Variants in RMDN1 observed in about 807,000 individuals in gnomAD.
RMDN1 encodes the protein regulator of microtubule dynamics protein 1.
A neutral mutation model predicts 48.9 loss-of-function variants in RMDN1; 48 were observed. That is an observed-to-expected ratio of 0.98 (90% CI 0.78 to 1.25). The LOEUF (loss-of-function observed/expected upper bound fraction) is 1.25, where lower values mean the gene tolerates loss of function less well. Among genes scored for constraint, RMDN1 ranks in the 50% most tolerant of loss-of-function variants. The pLI is 0.00. For missense variants in RMDN1, 418 were observed against 373.4 expected, an observed-to-expected ratio of 1.12 and a Z score of -0.98; for synonymous variants, 148 against 132.6, an observed-to-expected ratio of 1.12 and a Z score of -0.80.
chr8:86,488,421 C>CT (rs1221124852), intron 3 of RMDN1, 131 bp downstream of exon 3: 7 of 463,750 alleles, frequency 1.5e-5, no homozygotes, highest in Admixed American at 1.2e-4. Flanking sequence ...AAATTAAACT[C>CT]TAAGAAATAT....
chr8:86,481,272 A>G (rs541245273), intron 5 of RMDN1, among the ~76,000 whole-genome samples: 1 of 152,164 alleles, frequency 6.6e-6, no homozygotes, highest in Non-Finnish European at 1.5e-5. Flanking sequence ...TCTTACCACA[A>G]CTGAGTTTTT....
In RMDN1 at chr8:86,473,975, C is replaced by T. The variant is rs1586575149; in HGVS notation, c.*333G>A. On this transcript the variant is annotated 3_prime_UTR_variant, in exon 10 of 10. Transcript: ENST00000406452. ...ATCCCCCTGTATATCCCCTATAGAT[C>T]CATTTCCCCTCCTCTACAAATATTT... 9.4e-7 allele frequency: 1 copy of T among 1,064,298 alleles called. No individual in the cohort carries two copies. The highest frequency in any genetic ancestry group is 7.6e-5 in the East Asian group (1 of 13,160). The allele number at this position is 1,064,298 out of a possible 1,614,324, so 65.9% of individuals were successfully genotyped here.
chr8:86,505,718 A>G (rs1023054426), intron 2 of RMDN1, among the ~76,000 whole-genome samples: 3 of 152,198 alleles, frequency 2.0e-5, no homozygotes, highest in Admixed American at 2.0e-4. Context: ...GTGTTTAAAG[A>G]GAGGTTATAC....
At chr8:86,487,432 T>C (rs1372740393) in intron 3 of RMDN1, among the ~76,000 whole-genome samples, 2 of 151,902 alleles carry the variant, frequency 1.3e-5, no homozygotes, top group African/African-American at 4.8e-5. Context: ...GTACTAAAAA[T>C]ACAAAATTAG....
chr8:86,491,644 A>C (rs1203813887), intron 2 of RMDN1, among the ~76,000 whole-genome samples: 1 of 152,212 alleles, frequency 6.6e-6, no homozygotes, highest in African/African-American at 2.4e-5. Flanking sequence ...TTTCAACTTA[A>C]TAAGCAAATA....
At chr8:86,508,390 C>T in intron 1 of RMDN1, 102 bp downstream of exon 1, 1 of 1,321,458 alleles carries the variant, frequency 7.6e-7, no homozygotes, top group South Asian at 1.4e-5. Flanking sequence ...CTCGGTTCAC[C>T]ACATTCCTTA....
chr8:86,470,521 A>C, downstream of RMDN1: 1 of 902,508 alleles, frequency 1.1e-6, no homozygotes, highest in Non-Finnish European at 1.5e-6. Flanking sequence ...AAATGAAGAT[A>C]AAAGGACCCA....
Position 86,484,986 on chromosome 8 carries a change from A to C in RMDN1, c.496-25T>G. ...ACTGAAAATTTAAAAAAGTGTAAGA[A>C]CAATAATATTCTTAATATTCCATTC... On this transcript the variant is annotated intron_variant, in intron 4 of 9. Transcript: ENST00000406452. 4 of 1,300,208 alleles carry C rather than the reference A, an allele frequency of 3.1e-6. No individual in the cohort carries two copies. The South Asian group carries it at 5.0e-5, about 16-fold the overall frequency. The allele number at this position is 1,300,208 out of a possible 1,614,324, so 80.5% of individuals were successfully genotyped here.
upstream of RMDN1, chr8:86,508,714 G>T (rs573495695): frequency 1.1e-4 from 141 of 1,336,730 alleles, no homozygotes; most frequent in Non-Finnish European, 1.3e-4. Flanking sequence ...AAAGAACCGC[G>T]CCCGCCCGCC....
chr8:86,503,980 A>G (rs1818846873), intron 2 of RMDN1: 1 of 771,762 alleles, frequency 1.3e-6, no homozygotes. Flanking sequence ...TGGACTGTGC[A>G]CAGGTTTTAT....
chr8:86,474,701 A>G lies in RMDN1; in HGVS notation c.894+119T>C, dbSNP rs777401235. On this transcript the variant is annotated intron_variant, in intron 9 of 9. Coordinates refer to ENST00000406452, the MANE Select transcript of RMDN1 (RefSeq NM_016033.3). ...GTCAATCAATTTACACTTGAAATGAACACACTTGTTTTCAACAATATTATG... is the reference window on the plus strand; with the variant it reads ...GTCAATCAATTTACACTTGAAATGAGCACACTTGTTTTCAACAATATTATG... 1.2e-5 allele frequency: 11 copies of G among 956,038 alleles called. No individual in the cohort carries two copies. The Admixed American group carries it at 2.0e-4, about 17-fold the overall frequency. The allele number at this position is 956,038 out of a possible 1,614,324, so 59.2% of individuals were successfully genotyped here.
At chr8:86,484,812 A>G in intron 5 of RMDN1, 60 bp downstream of exon 5, 3 of 1,130,302 alleles carry the variant, frequency 2.7e-6, no homozygotes, top group Non-Finnish European at 2.6e-6. Context: ...AATGAAAACA[A>G]AAATCTATTC....
intron 2 of RMDN1, chr8:86,504,214 T>C: frequency 6.4e-7 from 1 of 1,552,560 alleles, no homozygotes; most frequent in Non-Finnish European, 8.9e-7. Flanking sequence ...AAGTCCCAGG[T>C]TTTTGCTCAT....
At position 86,488,221 on chromosome 8, in the gene RMDN1, A is replaced by C. The variant is rs551697873; in HGVS notation, c.335+331T>G. On this transcript the variant is annotated intron_variant, in intron 3 of 9. Coordinates refer to ENST00000406452, the MANE Select transcript of RMDN1 (RefSeq NM_016033.3). ...ATCTATACCAATAAAAAGTTACTTT[A>C]AAAGAAAAACAATGAGAAATATACA... is the stretch of plus-strand genomic sequence containing the variant. Among the ~76,000 whole-genome samples, 5 of 152,304 alleles carry C rather than the reference A, an allele frequency of 3.3e-5. No individual in the cohort carries two copies. The South Asian group carries it at 1.0e-3, about 32-fold the overall frequency.
rs1043042769 is a variant in RMDN1, at chr8:86,473,041, T to C, written c.*1267A>G. On this transcript the variant is annotated 3_prime_UTR_variant, in exon 10 of 10. Transcript: ENST00000406452. ...CCAAAATTTGGAAAAACATCCCAAA[T>C]CCAAGATGCTTCTACTAGTCCCAAG... is the stretch of plus-strand genomic sequence containing the variant. 9.9e-6 allele frequency: 9 copies of C among 910,202 alleles called. No homozygotes were observed. The African/African-American group carries it at 1.6e-4, about 16-fold the overall frequency. 56.4% of individuals were successfully genotyped at this position (910,202 alleles called of 1,614,324 possible).
intron 2 of RMDN1, among the ~76,000 whole-genome samples, chr8:86,502,084 C>A (rs572533044): frequency 1.3e-5 from 2 of 152,152 alleles, no homozygotes; most frequent in Non-Finnish European, 2.9e-5. Flanking sequence ...AAAATCAAAT[C>A]TCTGCTTCTT....
At chr8:86,478,716 T>TA (rs1813819858) in intron 7 of RMDN1, 1 of 530,528 alleles carries the variant, frequency 1.9e-6, no homozygotes, top group African/African-American at 1.9e-5. Context: ...ATTCCAGAAT[T>TA]ACCAGCCACT....
At chr8:86,472,163 G>C (rs1260132693), downstream of RMDN1, among the ~76,000 whole-genome samples, 1 of 152,064 alleles carries the variant, frequency 6.6e-6, no homozygotes, top group Non-Finnish European at 1.5e-5. Flanking sequence ...AGTTTCAAAA[G>C]GTTTAGAAAT....
chr8:86,486,470 G>A lies in RMDN1; in HGVS notation c.495+14C>T. 6.4e-7 allele frequency: 1 copy of A among 1,573,778 alleles called. No individual in the cohort carries two copies. On this transcript the variant is annotated intron_variant, in intron 4 of 9. Coordinates refer to ENST00000406452, the MANE Select transcript of RMDN1 (RefSeq NM_016033.3). ...CTCTCAGTACATGGTTAATAGCTTA[G>A]TTAAGCAACTCACCTTATGAGATGC... is the stretch of plus-strand genomic sequence containing the variant.
Sources: allele counts gnomAD v4.1 joint callset (sites outside exome capture counted in the v4.1 genomes callset), GRCh38; gene constraint gnomAD v4.1.1; transcripts MANE v1.5; gene names NCBI Gene and HGNC (gene_info 2026-07-23, HGNC 2026-07-21).